The following MGAM2 variants were observed in gnomAD, a reference collection of about 807,000 sequenced individuals.
MGAM2 encodes probable maltase-glucoamylase 2.
Under a neutral mutation model 96.1 loss-of-function variants are expected in MGAM2, and 98 were observed. That is an observed-to-expected ratio of 1.02 (90% CI 0.87 to 1.21). The LOEUF (loss-of-function observed/expected upper bound fraction) is 1.21, where lower values mean the gene tolerates loss of function less well. Among genes scored for constraint, MGAM2 ranks in the 50% most tolerant of loss-of-function variants. MGAM2 has a pLI of 0.00. For missense variants in MGAM2, 2,055 were observed against 1,182.4 expected (o/e 1.74, Z -10.82); for synonymous variants, 749 against 414.8 (o/e 1.81, Z -9.79).
At chr7:142,165,592 A>G (rs1347049769) in intron 24 of MGAM2, among the ~76,000 whole-genome samples, 1 of 152,182 alleles carries the variant, frequency 6.6e-6, no homozygotes, top group African/African-American at 2.4e-5. Context: ...TTTGATTTCT[A>G]GAGTTAGGCA....
chr7:142,142,517 GGTGT>G (rs1563257133), intron 12 of MGAM2, among the ~76,000 whole-genome samples: 1 of 137,286 alleles, frequency 7.3e-6, no homozygotes, highest in Non-Finnish European at 1.6e-5. Flanking sequence ...GGTGCATAGT[GGTGT>G]GTGTTTTTTT....
In MGAM2 at chr7:142,133,990, G is replaced by A. The variant is rs763629825; in HGVS notation, c.585G>A (p.Thr195=). The A allele has an allele frequency of 7.0e-6, 5 of 709,456 alleles. No homozygotes were observed. Among genetic ancestry groups the A allele is most frequent in the South Asian group, 1.5e-5 (1 of 68,048 alleles). The allele number at this position is 709,456 out of a possible 1,614,324, so 43.9% of individuals were successfully genotyped here. A position where few individuals can be genotyped will look rare whatever the true frequency, so the allele number is the denominator to read the frequency against. The change falls in exon 7 of 48, where the codon ACG becomes ACA. Residue 195 remains threonine, a synonymous_variant. Transcript: ENST00000477922. ...RTSNRRVLLD[T]SIGPLQFAQQ... is the part of the protein sequence containing the mutation. ...TTACCCCATGGCCCAGGTTGGACACGAGCATCGGGCCCCTCCAGTTTGCCC... is the reference window on the plus strand; with the variant it reads ...TTACCCCATGGCCCAGGTTGGACACAAGCATCGGGCCCCTCCAGTTTGCCC...
At chr7:142,173,875 T>C (rs1017310123) in intron 31 of MGAM2, among the ~76,000 whole-genome samples, 14 of 152,252 alleles carry the variant, frequency 9.2e-5, no homozygotes, top group Middle Eastern at 6.8e-3. Flanking sequence ...AAGGAAGGGG[T>C]CCAGTTTCCA....
intron 35 of MGAM2, among the ~76,000 whole-genome samples, chr7:142,187,537 T>C (rs764153801): frequency 4.6e-5 from 7 of 152,218 alleles, no homozygotes; most frequent in Non-Finnish European, 8.8e-5. Context: ...CTTTGGCCGA[T>C]ATAAATTTTT....
At chr7:142,203,126 G>C (rs1233815295) in intron 45 of MGAM2, among the ~76,000 whole-genome samples, 1 of 151,994 alleles carries the variant, frequency 6.6e-6, no homozygotes, top group Non-Finnish European at 1.5e-5. Flanking sequence ...TTTTTAATGG[G>C]GTTATTTGAC....
intron 26 of MGAM2, 74 bp downstream of exon 26, chr7:142,167,560 T>C: frequency 1.5e-6 from 1 of 678,086 alleles, no homozygotes; most frequent in Non-Finnish European, 2.7e-6. Context: ...ATAGAAGTCA[T>C]TGAAACAATT....
chr7:142,140,743 T>C, intron 10 of MGAM2, 59 bp from the exon 11 acceptor site: 2 of 633,378 alleles, frequency 3.2e-6, no homozygotes, highest in South Asian at 3.7e-5. Context: ...AGAGCTGTAA[T>C]ACTTTCCATC....
In MGAM2 at chr7:142,114,150, GA is replaced by G. The variant is rs1444888223; in HGVS notation, c.-1+2345del. Among the ~76,000 whole-genome samples the G allele has an allele frequency of 7.2e-5, 8 of 111,046 alleles. 1 individual carries two copies. The highest frequency in any genetic ancestry group is 2.0e-4 in the Admixed American group (2 of 9,826). 72.9% of individuals were successfully genotyped at this position (111,046 alleles called of 152,430 possible). Reference sequence around the variant, plus strand: ...CATCTCAAAAAAAGAAAGAAAGAAAGAAGGAAAGAAAGAAAGAAAGAAAGAA... The same window carrying G: ...CATCTCAAAAAAAGAAAGAAAGAAAGAGGAAAGAAAGAAAGAAAGAAAGAA... On this transcript the variant is annotated intron_variant, in intron 1 of 47. Coordinates refer to ENST00000477922, the MANE Select transcript of MGAM2 (RefSeq NM_001293626.2).
intron 34 of MGAM2, among the ~76,000 whole-genome samples, chr7:142,185,653 T>C (rs2129095932): frequency 1.3e-5 from 2 of 151,762 alleles, no homozygotes; most frequent in South Asian, 2.1e-4. Context: ...ATCACACTGA[T>C]ATTTAAGTAA....
intron 32 of MGAM2, 102 bp from the exon 33 acceptor site, chr7:142,183,164 A>T: frequency 1.6e-6 from 1 of 607,278 alleles, no homozygotes; most frequent in Non-Finnish European, 2.9e-6. Context: ...TGGTATTGAG[A>T]TTCACCATTT....
chr7:142,172,620 G>GATGTGCCTC (rs1563274932), intron 29 of MGAM2, 32 bp from the exon 30 acceptor site: 3 of 679,026 alleles, frequency 4.4e-6, no homozygotes, highest in Non-Finnish European at 8.0e-6. Flanking sequence ...CAACTCCAAG[G>GATGTGCCTC]ATGTGCCTCA....
intron 27 of MGAM2, among the ~76,000 whole-genome samples, chr7:142,170,768 A>G (rs1331820226): frequency 3.9e-5 from 6 of 152,192 alleles, no homozygotes; most frequent in Admixed American, 3.9e-4. Flanking sequence ...GAGGTTCCCT[A>G]TCCCAGTAGA....
intron 37 of MGAM2, among the ~76,000 whole-genome samples, chr7:142,194,596 A>G (rs1796969392): frequency 6.6e-6 from 1 of 151,060 alleles, no homozygotes; most frequent in Admixed American, 6.6e-5. Flanking sequence ...TATACCTTTT[A>G]CTTCATTATG....
intron 6 of MGAM2, 78 bp downstream of exon 6, chr7:142,132,163 C>T (rs1337477215): frequency 5.1e-6 from 3 of 591,384 alleles, no homozygotes; most frequent in Non-Finnish European, 9.0e-6. Flanking sequence ...TGGGGGTGGG[C>T]AGTGAAATCA....
chr7:142,176,994 T>A (rs1270068693), intron 32 of MGAM2, among the ~76,000 whole-genome samples: 1 of 152,206 alleles, frequency 6.6e-6, no homozygotes. Flanking sequence ...TATTTAAATA[T>A]TTCAGGGTTA....
At chr7:142,139,373 G>A (rs1372087386) in intron 10 of MGAM2, among the ~76,000 whole-genome samples, 5 of 152,038 alleles carry the variant, frequency 3.3e-5, no homozygotes, top group Admixed American at 6.6e-5. Flanking sequence ...TAAGAATATA[G>A]TGTTGGCCCA....
intron 1 of MGAM2, among the ~76,000 whole-genome samples, chr7:142,113,840 A>C (rs187936244): frequency 6.6e-6 from 1 of 152,244 alleles, no homozygotes; most frequent in African/African-American, 2.4e-5. Flanking sequence ...ATCAACATTT[A>C]ATGAAATAGG....
intron 46 of MGAM2, among the ~76,000 whole-genome samples, chr7:142,215,838 A>C (rs1205002060): frequency 6.6e-6 from 1 of 151,982 alleles, no homozygotes; most frequent in Non-Finnish European, 1.5e-5. Flanking sequence ...TATATCATGT[A>C]AATAAAATAT....
At position 142,149,056 on chromosome 7, in the gene MGAM2, G is replaced by A. The variant is rs146830336; in HGVS notation, c.1634+1483G>A. Among the ~76,000 whole-genome samples the A allele has an allele frequency of 1.3e-3, 203 of 152,022 alleles. 1 individual carries two copies. The highest frequency in any genetic ancestry group is 2.5e-3 in the Non-Finnish European group (173 of 67,958). On this transcript the variant is annotated intron_variant, in intron 15 of 47. Coordinates refer to ENST00000477922, the MANE Select transcript of MGAM2 (RefSeq NM_001293626.2). ...AGCCTGGCCATCATAGTGAAACCTC[G>A]TCTTTACTAAAAATAGAAAAATTAG...
Sources: gnomAD v4.1 joint callset for allele counts (sites outside exome capture counted in the v4.1 genomes callset) on GRCh38, gnomAD v4.1.1 for gene constraint, MANE v1.5 for transcripts, NCBI Gene and HGNC (gene_info 2026-07-23, HGNC 2026-07-21) for gene names.